WDR72: variants seen among roughly 807,000 people sequenced by gnomAD.
WDR72 encodes the protein WD repeat-containing protein 72.
Under a neutral mutation model 124.2 loss-of-function variants are expected in WDR72, and 120 were observed. That is an observed-to-expected ratio of 0.97 (90% CI 0.83 to 1.12). The LOEUF (loss-of-function observed/expected upper bound fraction) is 1.12. WDR72 is among the 50% of genes most tolerant of loss of function. The probability of loss-of-function intolerance (pLI) is 0.00; values close to 1 mark genes in which losing one functional copy is unlikely to be tolerated. For synonymous variants in WDR72, 452 were observed against 441.7 expected, an observed-to-expected ratio of 1.02 and a Z score of -0.29; for missense variants, 1,387 against 1,278.8, an observed-to-expected ratio of 1.08 and a Z score of -1.29.
chr15:53,661,125 C>A (rs2015595126), intron 14 of WDR72, among the ~76,000 whole-genome samples: 1 of 152,114 alleles, frequency 6.6e-6, no homozygotes, highest in Admixed American at 6.6e-5. Context: ...AGTTGAGTAC[C>A]CATAGCAGCA....
chr15:53,706,216 T>A, intron 9 of WDR72, 142 bp from the exon 10 acceptor site: 2 of 1,027,880 alleles, frequency 1.9e-6, no homozygotes, highest in Non-Finnish European at 2.8e-6. Flanking sequence ...TCAAGTAAAT[T>A]AAATGAAATA....
At chr15:53,706,133 G>T in intron 9 of WDR72, 59 bp from the exon 10 acceptor site, 3 of 1,554,954 alleles carry the variant, frequency 1.9e-6, no homozygotes, top group Non-Finnish European at 8.8e-7. Flanking sequence ...GATGGCCACT[G>T]TTTTTAAATG....
At chr15:53,692,144 G>A (rs74015889) in intron 13 of WDR72, among the ~76,000 whole-genome samples, 4,120 of 152,202 alleles carry the variant, frequency 0.027, 100 homozygotes, top group East Asian at 0.069. Flanking sequence ...CTCCCCACAG[G>A]AATACTTATC....
intron 18 of WDR72, among the ~76,000 whole-genome samples, chr15:53,565,487 C>A (rs1212182466): frequency 6.6e-6 from 1 of 151,894 alleles, no homozygotes; most frequent in Non-Finnish European, 1.5e-5. Flanking sequence ...GTGCCAAGAC[C>A]TATTCTCCAC....
At chr15:53,593,319 T>C (rs12439465) in intron 18 of WDR72, among the ~76,000 whole-genome samples, 18,452 of 152,122 alleles carry the variant, frequency 0.12, 1,608 homozygotes, top group African/African-American at 0.24. Context: ...GTTGCAAGTA[T>C]GGAAAACGTA....
chr15:53,665,477 A>C (rs2015745197), intron 14 of WDR72, 95 bp downstream of exon 14: 1 of 1,391,648 alleles, frequency 7.2e-7, no homozygotes, highest in South Asian at 1.2e-5. Context: ...TCTTGTTTTC[A>C]TGCTGATACT....
intron 14 of WDR72, among the ~76,000 whole-genome samples, chr15:53,647,398 C>G (rs1399879657): frequency 6.6e-6 from 1 of 151,808 alleles, no homozygotes; most frequent in Non-Finnish European, 1.5e-5. Context: ...TAAAGATAAT[C>G]AAAAGAAAAT....
At chr15:53,651,783 G>A (rs1202532645) in intron 14 of WDR72, among the ~76,000 whole-genome samples, 3 of 152,088 alleles carry the variant, frequency 2.0e-5, no homozygotes, top group Non-Finnish European at 4.4e-5. Flanking sequence ...CTCCCGAGTA[G>A]CTGGGACTAA....
At chr15:53,608,829 G>T (rs1294978528) in intron 17 of WDR72, among the ~76,000 whole-genome samples, 1 of 151,346 alleles carries the variant, frequency 6.6e-6, no homozygotes, top group Non-Finnish European at 1.5e-5. Context: ...GAGAGTAGAA[G>T]AATGGTTAGC....
chr15:53,696,624 T>C (rs2017011742), intron 13 of WDR72, among the ~76,000 whole-genome samples: 1 of 152,170 alleles, frequency 6.6e-6, no homozygotes, highest in South Asian at 2.1e-4. Context: ...AAAATATAAA[T>C]GGAAACACTT....
chr15:53,531,245 A>T (rs1330750589), intron 18 of WDR72, among the ~76,000 whole-genome samples: 1 of 152,046 alleles, frequency 6.6e-6, no homozygotes, highest in East Asian at 1.9e-4. Flanking sequence ...ATTGAGATTG[A>T]ACGAAAGACA....
intron 14 of WDR72, among the ~76,000 whole-genome samples, chr15:53,664,776 C>A (rs935543160): frequency 9.9e-5 from 15 of 151,918 alleles, no homozygotes. Context: ...TATATCAAGA[C>A]ATAGAGAAAC....
chr15:53,536,420 A>AT (rs969000150), intron 18 of WDR72, among the ~76,000 whole-genome samples: 9 of 151,932 alleles, frequency 5.9e-5, no homozygotes, highest in African/African-American at 1.2e-4. Flanking sequence ...ACTTCAACTT[A>AT]TTTTTTTTAC....
chr15:53,555,661 C>T (rs1416220304), intron 18 of WDR72, among the ~76,000 whole-genome samples: 1 of 152,060 alleles, frequency 6.6e-6, no homozygotes, highest in Non-Finnish European at 1.5e-5. Flanking sequence ...TTCACCCTAT[C>T]ACCCATAATT....
intron 6 of WDR72, among the ~76,000 whole-genome samples, chr15:53,713,705 G>A (rs934625523): frequency 5.3e-5 from 8 of 151,762 alleles, no homozygotes; most frequent in Admixed American, 1.3e-4. Context: ...TGATCCGCTC[G>A]CCTTAGCCTC....
chr15:53,699,590 A>G (rs1051507009), intron 13 of WDR72, among the ~76,000 whole-genome samples, 160 bp downstream of exon 13: 3 of 152,196 alleles, frequency 2.0e-5, no homozygotes, highest in South Asian at 2.1e-4. Flanking sequence ...GTTGTGTTTA[A>G]TTTTGCACAC....
chr15:53,597,182 G>A lies in WDR72; in HGVS notation c.3045C>T (p.Ser1015=), dbSNP rs537478196. The A allele has an allele frequency of 6.4e-5, 103 of 1,613,894 alleles. No homozygotes were observed. In the South Asian group the frequency reaches 1.1e-3, roughly 18 times the overall value. ...TCTCACAGTTACCATTCTCTGCCAT[G>A]GACACTGGTTGACTATTGACGGGTA... ...GKIPVNSQPV[S]MAENGNCEMK... is the part of the protein sequence containing the mutation. Residue 1015 remains serine (S), a synonymous_variant, in exon 18 of 20, where the codon TCC becomes TCT. Coordinates refer to ENST00000360509, the MANE Select transcript of WDR72 (RefSeq NM_182758.4).
intron 18 of WDR72, among the ~76,000 whole-genome samples, chr15:53,569,405 G>GAAA (rs1894424656): frequency 6.6e-6 from 1 of 151,994 alleles, no homozygotes; most frequent in African/African-American, 2.4e-5. Context: ...GACTGTGGGA[G>GAAA]AAAAATGCAT....
chr15:53,638,159 A>T (rs554964013), intron 14 of WDR72, among the ~76,000 whole-genome samples: 19 of 152,340 alleles, frequency 1.2e-4, no homozygotes, highest in Non-Finnish European at 2.2e-4. Context: ...CTTCAACAAC[A>T]AAAGAGCTAA....
Sources: allele counts gnomAD v4.1 joint callset (sites outside exome capture counted in the v4.1 genomes callset), GRCh38; gene constraint gnomAD v4.1.1; transcripts MANE v1.5; gene names NCBI Gene and HGNC (gene_info 2026-07-23, HGNC 2026-07-21).